SLIT2: variants seen among roughly 807,000 people sequenced by gnomAD.
SLIT2 encodes slit guidance ligand 2.
Under a neutral mutation model 185.7 loss-of-function variants are expected in SLIT2, and 41 were observed. The ratio of observed to expected loss-of-function variants is 0.22; its 90% CI spans 0.17 to 0.29. The LOEUF (loss-of-function observed/expected upper bound fraction) is 0.29, where lower values mean the gene tolerates loss of function less well. SLIT2 is among the 10% of genes least tolerant of loss of function. SLIT2 has a pLI of 1.00. For synonymous variants in SLIT2, 693 were observed against 680.2 expected, an observed-to-expected ratio of 1.02 and a Z score of -0.29; for missense variants, 1,571 against 1,909.0, an observed-to-expected ratio of 0.82 and a Z score of 3.30.
chr4:20,546,478 T>C (rs1723262011), intron 22 of SLIT2, among the ~76,000 whole-genome samples: 1 of 152,128 alleles, frequency 6.6e-6, no homozygotes, highest in South Asian at 2.1e-4. Context: ...AGATGGTAGG[T>C]GGTAATGACT....
At chr4:20,300,340 A>G (rs1177870236) in intron 4 of SLIT2, among the ~76,000 whole-genome samples, 1 of 152,156 alleles carries the variant, frequency 6.6e-6, no homozygotes, top group East Asian at 1.9e-4. Context: ...TTTGAATTAT[A>G]TAGGGTATAT....
At chr4:20,284,572 C>T (rs1228359904) in intron 4 of SLIT2, among the ~76,000 whole-genome samples, 9 of 152,152 alleles carry the variant, frequency 5.9e-5, no homozygotes, top group Admixed American at 2.6e-4. Context: ...AATATCTTTG[C>T]GTATGTTCTT....
intron 9 of SLIT2, among the ~76,000 whole-genome samples, chr4:20,495,050 G>T (rs1190392002): frequency 6.6e-6 from 1 of 152,060 alleles, no homozygotes; most frequent in African/African-American, 2.4e-5. Flanking sequence ...ACCAAGCTGG[G>T]GTCTGAGAGA....
chr4:20,518,557 G>GTGTGTGTATATATATATATATA (rs1271279922), intron 11 of SLIT2, among the ~76,000 whole-genome samples: 14 of 17,848 alleles, frequency 7.8e-4, no homozygotes, highest in Admixed American at 1.1e-3. Flanking sequence ...CAGCCTATAT[G>GTGTGTGTATATATATATATATA]TATATATATA....
chr4:20,560,515 C>A (rs1288533572), intron 26 of SLIT2, among the ~76,000 whole-genome samples: 1 of 151,780 alleles, frequency 6.6e-6, no homozygotes, highest in Non-Finnish European at 1.5e-5. Flanking sequence ...AATGTCCTGA[C>A]CTCATCTTTT....
At chr4:20,444,135 A>G (rs1429266422) in intron 4 of SLIT2, among the ~76,000 whole-genome samples, 1 of 152,264 alleles carries the variant, frequency 6.6e-6, no homozygotes, top group East Asian at 1.9e-4. Flanking sequence ...GCTCCTTCCT[A>G]GAGGGTTTCC....
At chr4:20,379,717 C>A (rs931047421) in intron 4 of SLIT2, among the ~76,000 whole-genome samples, 1 of 152,032 alleles carries the variant, frequency 6.6e-6, no homozygotes, top group Admixed American at 6.6e-5. Flanking sequence ...ATATATGGAA[C>A]AATAGTTTCA....
At chr4:20,384,273 C>G (rs1724764337) in intron 4 of SLIT2, among the ~76,000 whole-genome samples, 2 of 152,098 alleles carry the variant, frequency 1.3e-5, no homozygotes, top group South Asian at 4.1e-4. Context: ...AAGCAGCTAG[C>G]TGCAAAAGAT....
intron 29 of SLIT2, among the ~76,000 whole-genome samples, chr4:20,587,560 T>C (rs1385624224): frequency 6.6e-6 from 1 of 152,242 alleles, no homozygotes; most frequent in Non-Finnish European, 1.5e-5. Flanking sequence ...TCTTGGAACT[T>C]TGTCCTTGTT....
chr4:20,261,202 A>G (rs966094297), intron 3 of SLIT2, among the ~76,000 whole-genome samples: 9 of 151,774 alleles, frequency 5.9e-5, no homozygotes, highest in Admixed American at 1.3e-4. Context: ...CCTTATATAG[A>G]CTGTATTAGC....
intron 4 of SLIT2, among the ~76,000 whole-genome samples, chr4:20,427,518 GAT>G (rs1728649110): frequency 2.6e-5 from 4 of 152,170 alleles, no homozygotes; most frequent in Non-Finnish European, 5.9e-5. Context: ...CTATCTATAT[GAT>G]GTGCTTATGA....
At chr4:20,428,425 C>G (rs1478317006) in intron 4 of SLIT2, among the ~76,000 whole-genome samples, 1 of 152,110 alleles carries the variant, frequency 6.6e-6, no homozygotes, top group Non-Finnish European at 1.5e-5. Context: ...ACTTGCTTTT[C>G]TTTTCCTCAA....
intron 4 of SLIT2, among the ~76,000 whole-genome samples, chr4:20,294,520 T>C (rs1234979038): frequency 6.6e-6 from 1 of 152,174 alleles, no homozygotes; most frequent in Non-Finnish European, 1.5e-5. Context: ...TATCAGTTTC[T>C]CCCCCATAAA....
intron 4 of SLIT2, among the ~76,000 whole-genome samples, chr4:20,383,032 C>T (rs1724654723): frequency 6.6e-6 from 1 of 151,950 alleles, no homozygotes. Flanking sequence ...CAAGAAATTA[C>T]CAAAGTAATT....
intron 11 of SLIT2, among the ~76,000 whole-genome samples, chr4:20,518,132 T>G (rs1436882109): frequency 7.0e-6 from 1 of 142,164 alleles, no homozygotes; most frequent in East Asian, 2.0e-4. Flanking sequence ...TATATACATA[T>G]ACATATATTT....
At chr4:20,400,520 A>T (rs1383823744) in intron 4 of SLIT2, among the ~76,000 whole-genome samples, 1 of 151,760 alleles carries the variant, frequency 6.6e-6, no homozygotes, top group East Asian at 1.9e-4. Flanking sequence ...GGGAGTTCAT[A>T]AGTTGAGCAT....
In SLIT2 at chr4:20,354,983, T is replaced by A. The variant is rs1722208999; in HGVS notation, c.395+86102T>A. ...GAAAAAAATGCCATCTTAGCTGTTC[T>A]TTCTTTTTCTGTTTCTTTTTTACCT... is the stretch of plus-strand genomic sequence containing the variant. On this transcript the variant is annotated intron_variant, in intron 4 of 36. Transcript: ENST00000504154. Among the ~76,000 whole-genome samples the A allele has an allele frequency of 3.3e-5, 5 of 152,082 alleles. No homozygotes were observed. In the South Asian group the frequency reaches 1.0e-3, roughly 32 times the overall value.
intron 4 of SLIT2, among the ~76,000 whole-genome samples, chr4:20,426,784 T>C (rs146498894): frequency 3.2e-4 from 49 of 152,230 alleles, no homozygotes; most frequent in African/African-American, 1.2e-3. Flanking sequence ...AAAAATACAA[T>C]GATAAGTAGT....
rs750270028 is a variant in SLIT2 at position 20,510,563 on chromosome 4, G to T, written c.983G>T (p.Arg328Leu). Residue 328 changes from arginine to leucine, a missense_variant, in exon 10 of 37, where the codon CGA becomes CTA. This residue lies in a region of SLIT2 where 1,202 missense variants were observed against 1,416.4 expected (regional missense o/e 0.85). Transcript: ENST00000504154. ...GAFSPYKKLR[R>L]IDLSNNQISE... ...TTCTCACCATATAAAAAGCTTAGACGAATGTGAGTGAACAATATTCTACAA... is the reference window on the plus strand; with the variant it reads ...TTCTCACCATATAAAAAGCTTAGACTAATGTGAGTGAACAATATTCTACAA... 6.4e-7 allele frequency: 1 copy of T among 1,571,718 alleles called. No homozygotes were observed.
Sources: allele counts gnomAD v4.1 joint callset (sites outside exome capture counted in the v4.1 genomes callset), GRCh38; gene constraint gnomAD v4.1.1; regional missense constraint gnomAD v4.1.1; transcripts MANE v1.5; gene names NCBI Gene and HGNC (gene_info 2026-07-23, HGNC 2026-07-21).